The following KDSR variants were observed in gnomAD, a reference collection of about 807,000 sequenced individuals.
The protein encoded by KDSR is 3-ketodihydrosphingosine reductase.
Under a neutral mutation model 41.3 loss-of-function variants are expected in KDSR, and 23 were observed. That is an observed-to-expected ratio of 0.56 (90% confidence interval 0.40 to 0.79). KDSR has a LOEUF of 0.79. KDSR is among the 30% of genes least tolerant of loss of function. The pLI is 0.00. For synonymous variants in KDSR, 138 were observed against 151.7 expected (o/e 0.91, Z 0.66); for missense variants, 351 against 416.8 (o/e 0.84, Z 1.37).
intron 5 of KDSR, among the ~76,000 whole-genome samples, chr18:63,351,832 G>A (rs1463280562): frequency 6.6e-6 from 1 of 152,140 alleles, no homozygotes; most frequent in East Asian, 1.9e-4. Context: ...CACCCAGGCT[G>A]AAGTGCAATG....
At chr18:63,363,169 G>A (rs1256694396) in intron 1 of KDSR, among the ~76,000 whole-genome samples, 2 of 149,096 alleles carry the variant, frequency 1.3e-5, no homozygotes, top group Non-Finnish European at 3.0e-5. Flanking sequence ...TAATACATTA[G>A]TCTGCCTCTG....
chr18:63,339,820 AAGT>A, intron 7 of KDSR, among the ~76,000 whole-genome samples: 1 of 152,356 alleles, frequency 6.6e-6, no homozygotes, highest in Admixed American at 6.5e-5. Flanking sequence ...AAATAATTTC[AAGT>A]AGAAGTGTCA....
At chr18:63,352,373 G>C (rs1295591567) in intron 5 of KDSR, among the ~76,000 whole-genome samples, 1 of 152,142 alleles carries the variant, frequency 6.6e-6, no homozygotes, top group African/African-American at 2.4e-5. Flanking sequence ...GGAGTACAGT[G>C]GTGTGATCTT....
intron 6 of KDSR, among the ~76,000 whole-genome samples, chr18:63,348,009 C>T (rs1328659759): frequency 6.6e-6 from 1 of 152,084 alleles, no homozygotes; most frequent in African/African-American, 2.4e-5. Context: ...ACAGGCCAGA[C>T]ACAGTGGCTC....
At chr18:63,338,364 A>G (rs1233768351) in intron 8 of KDSR, among the ~76,000 whole-genome samples, 1 of 152,264 alleles carries the variant, frequency 6.6e-6, no homozygotes. Flanking sequence ...ATTAAAAAAC[A>G]TATCAACAGG....
At position 63,330,406 on chromosome 18, in the gene KDSR, G is replaced by A. The variant is rs904278628; in HGVS notation, c.*1376C>T. Reference sequence around the variant, plus strand: ...GTGAACAATGAGCAGGATGCAACGGGGAATGTTGGCTAAAACTCATCAGAG... The same window carrying A: ...GTGAACAATGAGCAGGATGCAACGGAGAATGTTGGCTAAAACTCATCAGAG... On this transcript the variant is annotated 3_prime_UTR_variant, in exon 10 of 10. Transcript: ENST00000645214. The A allele has an allele frequency of 8.7e-6, 2 of 229,160 alleles. No individual in the cohort carries two copies. The highest frequency in any genetic ancestry group is 1.7e-5 in the Non-Finnish European group (2 of 115,524). 14.2% of individuals were successfully genotyped at this position (229,160 alleles called of 1,614,324 possible). A position where few individuals can be genotyped will look rare whatever the true frequency, so the allele number is the denominator to read the frequency against.
chr18:63,352,391 T>C (rs1436628351), intron 5 of KDSR, among the ~76,000 whole-genome samples: 1 of 152,228 alleles, frequency 6.6e-6, no homozygotes, highest in Non-Finnish European at 1.5e-5. Flanking sequence ...CTTGGCTCAC[T>C]GTAACCTCTG....
rs534772111 is a variant in KDSR at position 63,335,447 on chromosome 18, C to T, written c.778-89G>A. The T allele has an allele frequency of 1.9e-5, 17 of 876,868 alleles. No homozygotes were observed. The East Asian group carries it at 3.4e-4, about 18-fold the overall frequency. 54.3% of individuals were successfully genotyped at this position (876,868 alleles called of 1,614,324 possible). A position where few individuals can be genotyped will look rare whatever the true frequency, so the allele number is the denominator to read the frequency against. The stretch of plus-strand genomic sequence containing the variant: ...CACATCAGAAACAGTGGAGTGTGCT[C>T]GTTCACTTTAAGTGAGATAAAATGG... On this transcript the variant is annotated intron_variant, in intron 8 of 9. Transcript: ENST00000645214.
chr18:63,359,851 G>T, intron 2 of KDSR, 59 bp from the exon 3 acceptor site: 1 of 1,152,964 alleles, frequency 8.7e-7, no homozygotes, highest in Non-Finnish European at 1.3e-6. Context: ...TCCGTTTATT[G>T]CAAAGGAGAG....
chr18:63,350,664 G>A (rs1309343074), intron 6 of KDSR, among the ~76,000 whole-genome samples: 1 of 152,126 alleles, frequency 6.6e-6, no homozygotes, highest in African/African-American at 2.4e-5. Context: ...AGTTAAACAA[G>A]CAAAAATCCC....
At chr18:63,348,444 GGGACACAA>G (rs1375783252) in intron 6 of KDSR, among the ~76,000 whole-genome samples, 1 of 152,068 alleles carries the variant, frequency 6.6e-6, no homozygotes, top group Non-Finnish European at 1.5e-5. Context: ...AATTACTGTA[GGGACACAA>G]TAATTGGTTT....
intron 9 of KDSR, among the ~76,000 whole-genome samples, chr18:63,334,860 T>C (rs1326493790): frequency 6.6e-6 from 1 of 152,218 alleles, no homozygotes; most frequent in African/African-American, 2.4e-5. Flanking sequence ...TGTGACCTGA[T>C]TCACCTAGAA....
intron 8 of KDSR, among the ~76,000 whole-genome samples, chr18:63,338,496 A>G (rs1420023732): frequency 2.0e-5 from 3 of 152,252 alleles, no homozygotes; most frequent in African/African-American, 4.8e-5. Flanking sequence ...GACATAGTAT[A>G]TATCGTTTAC....
Position 63,331,316 on chromosome 18 carries a change from GAC to G in KDSR, c.*464_*465del, listed in dbSNP as rs1306608213. On this transcript the variant is annotated 3_prime_UTR_variant, in exon 10 of 10. Coordinates refer to ENST00000645214, the MANE Select transcript of KDSR (RefSeq NM_002035.4). ...AGACAGAGAGACAGAGAGACAGAGA[GAC>G]AGAGAGACAGAGAGAGAGAGAGAGA... 519 of 225,616 alleles carry G rather than the reference GAC, an allele frequency of 2.3e-3. 5 individuals carry two copies. In the East Asian group the frequency reaches 0.031, roughly 13 times the overall value. The allele number at this position is 225,616 out of a possible 1,614,324, so 14.0% of individuals were successfully genotyped here. A position where few individuals can be genotyped will look rare whatever the true frequency, so the allele number is the denominator to read the frequency against.
chr18:63,339,874 C>A (rs957123367), intron 7 of KDSR, among the ~76,000 whole-genome samples: 2 of 152,096 alleles, frequency 1.3e-5, no homozygotes, highest in Non-Finnish European at 2.9e-5. Flanking sequence ...AACTTTACCA[C>A]GTAAGCTTGA....
chr18:63,337,092 C>CCATATA (rs1491226334), intron 8 of KDSR, among the ~76,000 whole-genome samples: 9 of 28,428 alleles, frequency 3.2e-4, no homozygotes, highest in Non-Finnish European at 2.2e-4. Context: ...ATATATGTGA[C>CCATATA]TTTATATATA....
At chr18:63,361,500 C>T (rs1458434380) in intron 2 of KDSR, among the ~76,000 whole-genome samples, 1 of 152,022 alleles carries the variant, frequency 6.6e-6, no homozygotes, top group Non-Finnish European at 1.5e-5. Flanking sequence ...CTAATTTTGT[C>T]TTTCTTGGTT....
At chr18:63,333,877 G>T (rs552658855) in intron 9 of KDSR, among the ~76,000 whole-genome samples, 44 of 152,310 alleles carry the variant, frequency 2.9e-4, no homozygotes, top group South Asian at 6.2e-4. Context: ...GAGAATGGAA[G>T]AATGTGAAGA....
At chr18:63,347,636 C>A (rs1914548742) in intron 6 of KDSR, among the ~76,000 whole-genome samples, 1 of 151,668 alleles carries the variant, frequency 6.6e-6, no homozygotes, top group Non-Finnish European at 1.5e-5. Context: ...CTCCAGAATT[C>A]AAGCTTTAGC....
Sources: gnomAD v4.1 joint callset for allele counts (sites outside exome capture counted in the v4.1 genomes callset) on GRCh38, gnomAD v4.1.1 for gene constraint, MANE v1.5 for transcripts, NCBI Gene and HGNC (gene_info 2026-07-23, HGNC 2026-07-21) for gene names.